Variants in ZNF541 observed in about 807,000 individuals in gnomAD.
The protein encoded by ZNF541 is zinc finger protein 541.
A neutral mutation model predicts 123.5 loss-of-function variants in ZNF541; 23 were observed. That is an observed-to-expected ratio of 0.19 (90% confidence interval 0.13 to 0.26). The LOEUF (loss-of-function observed/expected upper bound fraction) is 0.26. Ranked by LOEUF, ZNF541 falls within the 10% of genes least tolerant of loss-of-function variation. The probability of loss-of-function intolerance (pLI) is 1.00; values close to 1 mark genes in which losing one functional copy is unlikely to be tolerated. For missense variants in ZNF541, 1,612 were observed against 1,789.9 expected (o/e 0.90, Z 1.79); for synonymous variants, 751 against 754.5 (o/e 1.00, Z 0.08).
At chr19:47,563,259 C>T (rs564476137) in intron 2 of ZNF541, among the ~76,000 whole-genome samples, 93 of 152,222 alleles carry the variant, frequency 6.1e-4, no homozygotes, top group Middle Eastern at 3.4e-3. Context: ...ATGCATACCC[C>T]GTATTTTAAG....
At chr19:47,571,159 T>A (rs1174320479) in intron 2 of ZNF541, among the ~76,000 whole-genome samples, 1 of 150,716 alleles carries the variant, frequency 6.6e-6, no homozygotes, top group African/African-American at 2.4e-5. Flanking sequence ...GTTGCCCAGG[T>A]TGGAGTGCAG....
chr19:47,531,654 C>G lies in ZNF541; in HGVS notation c.3393G>C (p.Gln1131His). Residue 1131 changes from glutamine to histidine, a missense_variant, in exon 12 of 17, where the codon CAG becomes CAC. Physicochemically the swap from Gln to His is conservative, Grantham distance 24. Coordinates refer to ENST00000391901, the MANE Select transcript of ZNF541 (RefSeq NM_001277075.3). Reference sequence around the variant, plus strand: ...TGCTGTTCCTCACCTGAACGTTGCCCTGAGCCTCGTGCAGGCAGTGCAGAG... The same window carrying G: ...TGCTGTTCCTCACCTGAACGTTGCCGTGAGCCTCGTGCAGGCAGTGCAGAG... ...ELALHCLHEA[Q>H]GNVQVALETL... 6.5e-7 allele frequency: 1 copy of G among 1,544,428 alleles called. No homozygotes were observed. Among genetic ancestry groups the G allele is most frequent in the Non-Finnish European group, 8.8e-7 (1 of 1,141,642 alleles).
At chr19:47,538,462 G>A (rs1969928791) in intron 8 of ZNF541, 23 bp from the exon 9 acceptor site, 3 of 1,469,044 alleles carry the variant, frequency 2.0e-6, no homozygotes, top group Non-Finnish European at 1.8e-6. Flanking sequence ...AGAACCACAG[G>A]TGGTCGCCTG....
chr19:47,542,646 TCC>T (rs1276919550), intron 5 of ZNF541, among the ~76,000 whole-genome samples: 1 of 149,938 alleles, frequency 6.7e-6, no homozygotes, highest in African/African-American at 2.5e-5. Context: ...AGTGAGAGAC[TCC>T]GTCTCAAAAA....
chr19:47,555,585 T>A lies in ZNF541; in HGVS notation c.272A>T (p.Glu91Val), dbSNP rs1343459685. Residue 91 changes from glutamate (E) to valine (V), a missense_variant, in exon 3 of 17, where the codon GAG becomes GTG. Glu to Val is a moderately radical substitution (Grantham distance 121). Around this residue, in one of 5 missense-constraint regions of ZNF541, gnomAD observed 212 missense variants for 289.6 expected, o/e 0.73. Transcript: ENST00000391901. ...KDSDSVKLLE[E>V]YADSESQASL... ...TGCCTGAGACTCCGAATCTGCGTAC[T>A]CCTCCAGCAGCTTCACAGAATCACT... The A allele has an allele frequency of 6.5e-7, 1 of 1,550,122 alleles. No individual in the cohort carries two copies. The highest frequency in any genetic ancestry group is 8.7e-7 in the Non-Finnish European group (1 of 1,145,778).
intron 5 of ZNF541, among the ~76,000 whole-genome samples, chr19:47,541,655 G>A (rs1970086095): frequency 6.6e-6 from 1 of 152,134 alleles, no homozygotes; most frequent in Non-Finnish European, 1.5e-5. Context: ...ACACAGAAAG[G>A]TGTTCAACGT....
intron 14 of ZNF541, among the ~76,000 whole-genome samples, chr19:47,527,688 G>A (rs1969360936): frequency 6.6e-6 from 1 of 151,272 alleles, no homozygotes; most frequent in South Asian, 2.1e-4. Flanking sequence ...GAGCCACTGC[G>A]CCTGACCTCA....
Position 47,545,622 on chromosome 19 carries a change from T to G in ZNF541, c.907A>C (p.Arg303=). 6.5e-7 allele frequency: 1 copy of G among 1,549,634 alleles called. No individual in the cohort carries two copies. Among genetic ancestry groups the G allele is most frequent in the Non-Finnish European group, 8.7e-7 (1 of 1,146,434 alleles). ...GCGGGGCAGGGACAGGCAGTGTTCC[T>G]CCCTTCGCTGTCTGAAGCCCCCGCC... ...APAGASDSEG[R]NTACPCPASS... The change falls in exon 5 of 17, where the codon AGG becomes CGG. Residue 303 remains arginine, a synonymous_variant. Transcript: ENST00000391901. This position sits in a 1 kb window ranked among gnomAD's most constrained non-coding sequence, Gnocchi z 7.5.
intron 12 of ZNF541, 53 bp from the exon 13 acceptor site, chr19:47,529,705 A>C: frequency 6.9e-7 from 1 of 1,456,614 alleles, no homozygotes; most frequent in South Asian, 1.2e-5. Flanking sequence ...GAAGAGGACC[A>C]CAGGCATCCT....
rs1051638378 is a variant in ZNF541, at chr19:47,529,619, G to A, written c.3439C>T (p.His1147Tyr). Residue 1147 changes from histidine to tyrosine, a missense_variant, in exon 13 of 17, where the codon CAC (histidine) becomes TAC (tyrosine). By Grantham distance (83) the His-to-Tyr change is moderately conservative. Transcript: ENST00000391901. ...GCGAGCAGGTGTGTCCGTGGCTTGT[G>A]GGGCCCTCGGAGCAGAAGAGTCTCC... Reference protein sequence around the residue: ...ALETLLLRGPHKPRTHLLADY... With the variant: ...ALETLLLRGPYKPRTHLLADY... 67 of 1,551,560 alleles carry A rather than the reference G, an allele frequency of 4.3e-5. No individual in the cohort carries two copies. The highest frequency in any genetic ancestry group is 5.5e-5 in the Non-Finnish European group (63 of 1,146,994).
At position 47,545,734 on chromosome 19, in the gene ZNF541, G is replaced by A. The variant is rs1380187120; in HGVS notation, c.795C>T (p.Pro265=). 3.9e-6 allele frequency: 6 copies of A among 1,544,938 alleles called. No individual in the cohort carries two copies. The East Asian group carries it at 7.3e-5, about 19-fold the overall frequency. ...RSLVPPEARS[P]GSLLPHRDLL... Reference sequence around the variant, plus strand: ...GGTCCCGGTGGGGCAGGAGGGAGCCGGGGGACCTGGCCTCTGGGGGCACCA... The same window carrying A: ...GGTCCCGGTGGGGCAGGAGGGAGCCAGGGGACCTGGCCTCTGGGGGCACCA... Residue 265 remains proline, a synonymous_variant, in exon 5 of 17, where the codon CCC becomes CCT. Coordinates refer to ENST00000391901, the MANE Select transcript of ZNF541 (RefSeq NM_001277075.3). The surrounding 1 kb of genome is among the most constrained non-coding windows in gnomAD (Gnocchi z 7.5).
chr19:47,542,343 C>T (rs192446004), intron 5 of ZNF541, among the ~76,000 whole-genome samples: 34 of 152,242 alleles, frequency 2.2e-4, no homozygotes, highest in African/African-American at 7.7e-4. Context: ...CTACAAATTA[C>T]CCAACGCTAC....
chr19:47,521,374 C>T lies in ZNF541; in HGVS notation c.3891G>A (p.Val1297=), dbSNP rs1433526601. 5 of 1,551,654 alleles carry T rather than the reference C, an allele frequency of 3.2e-6. No homozygotes were observed. The highest frequency in any genetic ancestry group is 4.4e-6 in the Non-Finnish European group (5 of 1,147,010). ...CATTTCGACTCTTGATCTTGTCAAACACCCTGAGGAGTCACCAGAGGACAT... is the reference window on the plus strand; with the variant it reads ...CATTTCGACTCTTGATCTTGTCAAATACCCTGAGGAGTCACCAGAGGACAT... ...GIFPCRECER[V]FDKIKSRNAH... Residue 1297 remains valine, a synonymous_variant, in exon 17 of 17, where the codon GTG becomes GTA. Transcript: ENST00000391901. The surrounding 1 kb of genome is among the most constrained non-coding windows in gnomAD (Gnocchi z 4.2).
intron 2 of ZNF541, among the ~76,000 whole-genome samples, chr19:47,568,436 C>T (rs529363539): frequency 6.6e-5 from 10 of 152,066 alleles, no homozygotes; most frequent in Non-Finnish European, 7.4e-5. Context: ...CTCCACCTCG[C>T]GGATTCAAGC....
intron 2 of ZNF541, among the ~76,000 whole-genome samples, chr19:47,559,849 CA>C (rs36037649): frequency 0.16 from 14,312 of 86,932 alleles, 947 homozygotes; most frequent in African/African-American, 0.31. Flanking sequence ...GACTCTGTCT[CA>C]AAAAAAAAAA....
chr19:47,531,962 G>A lies in ZNF541; in HGVS notation c.3301+166C>T, dbSNP rs539056947. On this transcript the variant is annotated intron_variant, in intron 11 of 16. Transcript: ENST00000391901. ...TGACAAAAGAGGTAGGGGAGGGAGA[G>A]TGCAGCAGGGAAGAAGCAACGCTGG... 2.0e-5 allele frequency among the ~76,000 whole-genome samples: 3 copies of A among 152,292 alleles called. No individual in the cohort carries two copies. The East Asian group carries it at 5.8e-4, about 29-fold the overall frequency.
At chr19:47,532,297 G>A (rs1279562650) in intron 10 of ZNF541, 27 bp from the exon 11 acceptor site, 2 of 1,550,426 alleles carry the variant, frequency 1.3e-6, no homozygotes, top group African/African-American at 2.7e-5. Context: ...CACAGATAAG[G>A]GAGACGTACA....
chr19:47,571,207 G>C lies in ZNF541; in HGVS notation c.-99+689C>G, dbSNP rs1166866862. Among the ~76,000 whole-genome samples the C allele has an allele frequency of 2.0e-5, 3 of 151,702 alleles. No individual in the cohort carries two copies. In the East Asian group the frequency reaches 5.9e-4, roughly 30 times the overall value. On this transcript the variant is annotated intron_variant, in intron 2 of 16. Transcript: ENST00000391901. ...GGCTCACCACAACCTCCGCCTCCCA[G>C]GTTCAAGCGATTCTCATGCTTCAGC...
Position 47,545,036 on chromosome 19 carries a change from G to A in ZNF541, c.1493C>T (p.Pro498Leu), listed in dbSNP as rs1970268301. 12 of 1,489,524 alleles carry A rather than the reference G, an allele frequency of 8.1e-6. No individual in the cohort carries two copies. The South Asian group carries it at 1.5e-4, about 19-fold the overall frequency. The allele number at this position is 1,489,524 out of a possible 1,614,324, so 92.3% of individuals were successfully genotyped here. Residue 498 changes from proline to leucine, a missense_variant, in exon 5 of 17, where the codon CCC (proline) becomes CTC (leucine). This residue lies in a region of ZNF541 where 1,080 missense variants were observed against 1,013.8 expected (regional missense o/e 1.07). Transcript: ENST00000391901. This position sits in a 1 kb window ranked among gnomAD's most constrained non-coding sequence, Gnocchi z 7.5. ...DPRSASGEDDPCAPKKVKVDC... is the reference protein window; with the variant it reads ...DPRSASGEDDLCAPKKVKVDC... ...GACCTTGACCTTCTTGGGGGCGCAG[G>A]GGTCATCTTCCCCGCTGGCCGACCT...
Sources: allele counts gnomAD v4.1 joint callset (sites outside exome capture counted in the v4.1 genomes callset), GRCh38; gene constraint gnomAD v4.1.1; regional missense constraint gnomAD v4.1.1; non-coding constraint Gnocchi (gnomAD v3.1); transcripts MANE v1.5; gene names NCBI Gene and HGNC (gene_info 2026-07-23, HGNC 2026-07-21).